Variants in RBMS3 observed in about 807,000 individuals in gnomAD.
RBMS3 encodes RNA-binding motif, single-stranded-interacting protein 3.
A neutral mutation model predicts 66.8 loss-of-function variants in RBMS3; 27 were observed. The observed-to-expected ratio is 0.40, with a 90% CI of 0.30 to 0.56. RBMS3 has a LOEUF of 0.56. Ranked by LOEUF, RBMS3 falls within the 20% of genes least tolerant of loss-of-function variation. RBMS3 has a pLI of 0.40. For missense variants in RBMS3, 513 were observed against 549.5 expected (o/e 0.93, Z 0.66); for synonymous variants, 188 against 183.0 (o/e 1.03, Z -0.22).
intron 12 of RBMS3, among the ~76,000 whole-genome samples, chr3:29,952,508 G>A (rs1695749696): frequency 6.6e-6 from 1 of 151,922 alleles, no homozygotes; most frequent in South Asian, 2.1e-4. Flanking sequence ...TTTGAAAGGG[G>A]ACGGTATATA....
chr3:29,399,087 A>C (rs941358355), intron 1 of RBMS3, among the ~76,000 whole-genome samples: 13 of 152,048 alleles, frequency 8.5e-5, no homozygotes, highest in African/African-American at 3.1e-4. Flanking sequence ...CCTTTTCTCT[A>C]CTTTAGCCCT....
intron 3 of RBMS3, among the ~76,000 whole-genome samples, chr3:29,530,895 A>G (rs1389963831): frequency 6.6e-6 from 1 of 152,022 alleles, no homozygotes; most frequent in Non-Finnish European, 1.5e-5. Flanking sequence ...AAGTGTTTCA[A>G]TGCTTACATA....
intron 1 of RBMS3, among the ~76,000 whole-genome samples, chr3:29,347,539 G>C (rs1249834965): frequency 1.3e-5 from 2 of 152,090 alleles, no homozygotes; most frequent in Non-Finnish European, 1.5e-5. Flanking sequence ...GTGCATTCGC[G>C]ATGGGGGGAA....
At chr3:29,588,442 T>C (rs1486831405) in intron 4 of RBMS3, among the ~76,000 whole-genome samples, 2 of 152,108 alleles carry the variant, frequency 1.3e-5, no homozygotes, top group Admixed American at 1.3e-4. Context: ...GCTAACATTA[T>C]TTGATAACAT....
chr3:29,825,753 A>C (rs2149480947), intron 6 of RBMS3, among the ~76,000 whole-genome samples: 1 of 152,306 alleles, frequency 6.6e-6, no homozygotes, highest in South Asian at 2.1e-4. Context: ...ACACTGGTTA[A>C]GAAATTGCTT....
intron 1 of RBMS3, among the ~76,000 whole-genome samples, chr3:29,397,350 A>T (rs532507632): frequency 6.6e-6 from 1 of 152,288 alleles, no homozygotes; most frequent in South Asian, 2.1e-4. Context: ...ATTCAGTTTC[A>T]AAAACTGATT....
intron 10 of RBMS3, among the ~76,000 whole-genome samples, chr3:29,905,920 C>G (rs911389387): frequency 6.6e-6 from 1 of 151,956 alleles, no homozygotes; most frequent in African/African-American, 2.4e-5. Context: ...CATTGTTTCT[C>G]AAAAATTTTT....
intron 2 of RBMS3, among the ~76,000 whole-genome samples, chr3:29,465,274 T>C (rs2042499761): frequency 6.6e-6 from 1 of 152,178 alleles, no homozygotes; most frequent in Non-Finnish European, 1.5e-5. Flanking sequence ...GTGAATGGAT[T>C]TATCATTTTT....
At chr3:29,557,808 T>A (rs1346923805) in intron 3 of RBMS3, among the ~76,000 whole-genome samples, 1 of 152,126 alleles carries the variant, frequency 6.6e-6, no homozygotes, top group Non-Finnish European at 1.5e-5. Flanking sequence ...TAGTACCCTA[T>A]GAAAGCCATC....
At chr3:29,467,382 A>G (rs1464478471) in intron 2 of RBMS3, among the ~76,000 whole-genome samples, 1 of 152,204 alleles carries the variant, frequency 6.6e-6, no homozygotes, top group East Asian at 1.9e-4. Flanking sequence ...CCTAAGTTCA[A>G]CAAAAATGCA....
chr3:29,612,442 C>T (rs2048524040), intron 4 of RBMS3, among the ~76,000 whole-genome samples: 1 of 152,028 alleles, frequency 6.6e-6, no homozygotes, highest in Non-Finnish European at 1.5e-5. Flanking sequence ...TCCTCTGCTT[C>T]ATGTGAAATG....
intron 6 of RBMS3, among the ~76,000 whole-genome samples, chr3:29,784,498 A>G (rs1416314301): frequency 6.6e-6 from 1 of 152,020 alleles, no homozygotes; most frequent in African/African-American, 2.4e-5. Flanking sequence ...CAATAATAGT[A>G]ACACAACCTA....
In RBMS3 at chr3:29,656,128, A is replaced by G. The variant is rs142106584; in HGVS notation, c.399+68923A>G. 4.3e-4 allele frequency among the ~76,000 whole-genome samples: 65 copies of G among 152,246 alleles called. No homozygotes were observed. In the East Asian group the frequency reaches 4.6e-3, roughly 11 times the overall value. Reference sequence around the variant, plus strand: ...AAAAAGTTACAGTAAGATAAGGTTAATTTATTATTGAGGAAAGAAAATTTT... The same window carrying G: ...AAAAAGTTACAGTAAGATAAGGTTAGTTTATTATTGAGGAAAGAAAATTTT... On this transcript the variant is annotated intron_variant, in intron 4 of 14. Transcript: ENST00000383767.
chr3:29,672,594 C>A lies in RBMS3; in HGVS notation c.400-67126C>A, dbSNP rs189886214. Among the ~76,000 whole-genome samples, 230 of 152,206 alleles carry A rather than the reference C, an allele frequency of 1.5e-3. 2 individuals are homozygous for A. Among genetic ancestry groups the A allele is most frequent in the African/African-American group, 5.2e-3 (218 of 41,536 alleles). ...TAAAAATAAAGATATGAAAGAAGAT[C>A]TACCAAGCAAATGGAAAACAAAAAA... is the stretch of plus-strand genomic sequence containing the variant. On this transcript the variant is annotated intron_variant, in intron 4 of 14. Coordinates refer to ENST00000383767, the MANE Select transcript of RBMS3 (RefSeq NM_001003793.3).
At chr3:29,606,963 A>T (rs957275525) in intron 4 of RBMS3, among the ~76,000 whole-genome samples, 3 of 152,130 alleles carry the variant, frequency 2.0e-5, no homozygotes, top group Admixed American at 2.0e-4. Flanking sequence ...CAGGCAAACT[A>T]TGCCAGATAA....
chr3:29,756,805 T>C (rs1378572645), intron 5 of RBMS3, among the ~76,000 whole-genome samples: 1 of 152,126 alleles, frequency 6.6e-6, no homozygotes, highest in African/African-American at 2.4e-5. Context: ...ATCAGTTTAT[T>C]ATAAAGGATA....
At chr3:29,371,133 G>T (rs2038176584) in intron 1 of RBMS3, among the ~76,000 whole-genome samples, 1 of 152,192 alleles carries the variant, frequency 6.6e-6, no homozygotes, top group African/African-American at 2.4e-5. Flanking sequence ...CAGTGGTTTT[G>T]TTCATGGAGT....
intron 12 of RBMS3, 117 bp downstream of exon 12, chr3:29,944,371 G>A (rs1235483043): frequency 1.2e-6 from 1 of 822,398 alleles, no homozygotes; most frequent in Non-Finnish European, 2.0e-6. Flanking sequence ...CAGGAAATTT[G>A]AATTCCAGTT....
rs1699741111 is a variant in RBMS3 at position 30,004,391 on chromosome 3, C to G, written c.*529C>G. ...AAGGTTTATCTTGAATCTTAATTGC[C>G]TTAATTTTAAGGACGTCAAAGGCTC... On this transcript the variant is annotated 3_prime_UTR_variant, in exon 15 of 15. Transcript: ENST00000383767. 1 of 151,624 alleles carries G rather than the reference C, an allele frequency of 6.6e-6. No individual in the cohort carries two copies. The highest frequency in any genetic ancestry group is 2.1e-4 in the South Asian group (1 of 4,796). The allele number at this position is 151,624 out of a possible 1,614,324, so 9.4% of individuals were successfully genotyped here. A position where few individuals can be genotyped will look rare whatever the true frequency, so the allele number is the denominator to read the frequency against.
Sources: allele counts gnomAD v4.1 joint callset (sites outside exome capture counted in the v4.1 genomes callset), GRCh38; gene constraint gnomAD v4.1.1; transcripts MANE v1.5; gene names NCBI Gene and HGNC (gene_info 2026-07-23, HGNC 2026-07-21).